TP53INP1: variants seen among roughly 807,000 people sequenced by gnomAD.
TP53INP1 encodes tumor protein p53 inducible nuclear protein 1.
Under a neutral mutation model 21.0 loss-of-function variants are expected in TP53INP1, and 12 were observed. That is an observed-to-expected ratio of 0.57 (90% confidence interval 0.37 to 0.93). The LOEUF (loss-of-function observed/expected upper bound fraction) is 0.93, where lower values mean the gene tolerates loss of function less well. TP53INP1 is among the 40% of genes least tolerant of loss of function. The pLI is 0.01. For synonymous variants in TP53INP1, 91 were observed against 94.8 expected (o/e 0.96, Z 0.23); for missense variants, 274 against 294.7 (o/e 0.93, Z 0.51).
In TP53INP1 at chr8:94,927,912, CAAA is replaced by C. The variant is rs34997272; in HGVS notation, c.*2564_*2566del. Reference sequence around the variant, plus strand: ...TGTAAACCACTAATATTTACAATAGCAAAAAAAAAAGCTCATAAAATGCATTTT... The same window carrying C: ...TGTAAACCACTAATATTTACAATAGCAAAAAAAGCTCATAAAATGCATTTT... On this transcript the variant is annotated 3_prime_UTR_variant, in exon 4 of 4. Transcript: ENST00000342697. 6.7e-6 allele frequency: 1 copy of C among 149,154 alleles called. No homozygotes were observed. 9.2% of individuals were successfully genotyped at this position (149,154 alleles called of 1,614,324 possible).
Position 94,930,732 on chromosome 8 carries a change from A to T in TP53INP1, c.474-4T>A. On this transcript the variant is annotated splice_region_variant and splice_polypyrimidine_tract_variant and intron_variant, in intron 3 of 3. Coordinates refer to ENST00000342697, the MANE Select transcript of TP53INP1 (RefSeq NM_033285.4). The stretch of plus-strand genomic sequence containing the variant: ...CATTTCATTTTGAGCTTCCACTCTG[A>T]AACAGAAAAAAGTGGGGATGTATTA... 1.2e-6 allele frequency: 2 copies of T among 1,613,326 alleles called. No individual in the cohort carries two copies. Among genetic ancestry groups the T allele is most frequent in the Non-Finnish European group, 1.7e-6 (2 of 1,179,530 alleles).
chr8:94,942,700 A>C (rs1412559340), intron 1 of TP53INP1, among the ~76,000 whole-genome samples: 1 of 152,184 alleles, frequency 6.6e-6, no homozygotes, highest in East Asian at 1.9e-4. Context: ...AATGCCATGG[A>C]AGAAGTATTT....
chr8:94,942,724 C>G (rs1340249372), intron 1 of TP53INP1, among the ~76,000 whole-genome samples: 2 of 152,196 alleles, frequency 1.3e-5, no homozygotes, highest in African/African-American at 4.8e-5. Context: ...GTTCTCCAGG[C>G]TACCTGGGTG....
chr8:94,948,861 G>A (rs1298377009), intron 1 of TP53INP1, among the ~76,000 whole-genome samples: 2 of 151,938 alleles, frequency 1.3e-5, no homozygotes. Flanking sequence ...ACTCCCAACC[G>A]CCGCCCAGCG....
intron 3 of TP53INP1, 125 bp downstream of exon 3, chr8:94,939,735 C>A: frequency 7.4e-7 from 1 of 1,348,410 alleles, no homozygotes. Context: ...GTACTATGCA[C>A]ATGCTTTCAT....
At position 94,926,980 on chromosome 8, in the gene TP53INP1, A is replaced by C. The variant is rs1035722177; in HGVS notation, c.*3499T>G. Reference sequence around the variant, plus strand: ...ATCCAAGATAGAAGGCCCACTTTTAACAGAGTTTAACCAGTATTTATGGGC... The same window carrying C: ...ATCCAAGATAGAAGGCCCACTTTTACCAGAGTTTAACCAGTATTTATGGGC... On this transcript the variant is annotated 3_prime_UTR_variant, in exon 4 of 4. Transcript: ENST00000342697. 1 of 152,248 alleles carries C rather than the reference A, an allele frequency of 6.6e-6. No individual in the cohort carries two copies. Among genetic ancestry groups the C allele is most frequent in the African/African-American group, 2.4e-5 (1 of 41,472 alleles). 9.4% of individuals were successfully genotyped at this position (152,248 alleles called of 1,614,324 possible). A position where few individuals can be genotyped will look rare whatever the true frequency, so the allele number is the denominator to read the frequency against.
Position 94,930,220 on chromosome 8 carries a change from C to G in TP53INP1, c.*259G>C, listed in dbSNP as rs1820255106. 8 of 455,836 alleles carry G rather than the reference C, an allele frequency of 1.8e-5. No homozygotes were observed. The highest frequency in any genetic ancestry group is 3.1e-5 in the Non-Finnish European group (8 of 258,226). The allele number at this position is 455,836 out of a possible 1,614,324, so 28.2% of individuals were successfully genotyped here. A position where few individuals can be genotyped will look rare whatever the true frequency, so the allele number is the denominator to read the frequency against. ...ATAACCTAATATATTTAAAGACACCCCCAAACACTGTAATTATATTGATAT... is the reference window on the plus strand; with the variant it reads ...ATAACCTAATATATTTAAAGACACCGCCAAACACTGTAATTATATTGATAT... On this transcript the variant is annotated 3_prime_UTR_variant, in exon 4 of 4. Transcript: ENST00000342697.
chr8:94,945,206 C>T (rs1311591689), intron 1 of TP53INP1, among the ~76,000 whole-genome samples: 2 of 152,086 alleles, frequency 1.3e-5, no homozygotes, highest in Middle Eastern at 3.2e-3. Context: ...ATAAATTTTA[C>T]GAAGTCTAAA....
chr8:94,940,169 C>A lies in TP53INP1; in HGVS notation c.164G>T (p.Ser55Ile). ...AEEEEEEEDI[S>I]EESPTEHPSV... The stretch of plus-strand genomic sequence containing the variant: ...AGGGTGCTCAGTAGGTGACTCTTCA[C>A]TGATGTCCTCCTCTTCTTCTTCTTC... Residue 55 changes from serine (S) to isoleucine (I), a missense_variant, in exon 3 of 4, where the codon AGT becomes ATT. Coordinates refer to ENST00000342697, the MANE Select transcript of TP53INP1 (RefSeq NM_033285.4). The A allele has an allele frequency of 6.2e-7, 1 of 1,614,006 alleles. No individual in the cohort carries two copies. Among genetic ancestry groups the A allele is most frequent in the Non-Finnish European group, 8.5e-7 (1 of 1,179,924 alleles).
Position 94,939,840 on chromosome 8 carries a change from G to A in TP53INP1, c.473+20C>T. The A allele has an allele frequency of 1.2e-6, 2 of 1,600,942 alleles. No homozygotes were observed. The highest frequency in any genetic ancestry group is 1.7e-6 in the Non-Finnish European group (2 of 1,172,538). On this transcript the variant is annotated intron_variant, in intron 3 of 3. Transcript: ENST00000342697. ...ATGCTCAGTGGACTGCCTACAGAGA[G>A]TTAAATACTTGTAACGTACCTGGGA...
In TP53INP1 at chr8:94,940,145, G is replaced by C; in HGVS notation, c.188C>G (p.Pro63Arg). 6.2e-7 allele frequency: 1 copy of C among 1,614,154 alleles called. No homozygotes were observed. The highest frequency in any genetic ancestry group is 8.5e-7 in the Non-Finnish European group (1 of 1,180,024). Reference protein sequence around the residue: ...DISEESPTEHPSVFSCLPASL... With the variant: ...DISEESPTEHRSVFSCLPASL... ...TGCCGGTAAACAGGAAAAGACTGAAGGGTGCTCAGTAGGTGACTCTTCACT... is the reference window on the plus strand; with the variant it reads ...TGCCGGTAAACAGGAAAAGACTGAACGGTGCTCAGTAGGTGACTCTTCACT... Residue 63 changes from proline (P) to arginine (R), a missense_variant, in exon 3 of 4, where the codon CCT becomes CGT. Pro to Arg is a moderately radical substitution (Grantham distance 103). Transcript: ENST00000342697.
intron 3 of TP53INP1, 103 bp from the exon 4 acceptor site, chr8:94,930,831 G>T: frequency 7.9e-7 from 1 of 1,273,780 alleles, no homozygotes; most frequent in Non-Finnish European, 1.1e-6. Context: ...ATTTGTTTAT[G>T]GCTGAATGAG....
chr8:94,933,649 C>T (rs528385918), intron 3 of TP53INP1, among the ~76,000 whole-genome samples: 89 of 152,140 alleles, frequency 5.8e-4, no homozygotes, highest in African/African-American at 2.1e-3. Context: ...CCTGTAGTCC[C>T]AGCTAATCGG....
intron 1 of TP53INP1, among the ~76,000 whole-genome samples, chr8:94,946,216 ATAT>A (rs1468444898): frequency 6.6e-6 from 1 of 151,892 alleles, no homozygotes; most frequent in African/African-American, 2.4e-5. Flanking sequence ...AATGGTTTTC[ATAT>A]TATTACATGA....
intron 1 of TP53INP1, among the ~76,000 whole-genome samples, chr8:94,944,998 C>T (rs1006230399): frequency 1.6e-4 from 24 of 152,192 alleles, no homozygotes; most frequent in African/African-American, 5.1e-4. Flanking sequence ...AAACTGTCCA[C>T]TGAGGTAGCC....
At chr8:94,946,976 A>G (rs1470592087) in intron 1 of TP53INP1, among the ~76,000 whole-genome samples, 2 of 152,164 alleles carry the variant, frequency 1.3e-5, no homozygotes, top group African/African-American at 4.8e-5. Flanking sequence ...TTATCCATAA[A>G]ATGTCTACTT....
intron 3 of TP53INP1, among the ~76,000 whole-genome samples, chr8:94,933,173 G>A (rs956561286): frequency 3.9e-5 from 6 of 152,156 alleles, no homozygotes; most frequent in Admixed American, 1.3e-4. Context: ...CCGAGATTGC[G>A]CCGCTGCAAT....
At chr8:94,933,186 AG>A (rs1482735976) in intron 3 of TP53INP1, among the ~76,000 whole-genome samples, 2 of 152,372 alleles carry the variant, frequency 1.3e-5, no homozygotes, top group Non-Finnish European at 2.9e-5. Flanking sequence ...GCTGCAATCC[AG>A]CCTGGGCAAC....
chr8:94,927,647 G>A lies in TP53INP1; in HGVS notation c.*2832C>T, dbSNP rs1043309929. 1.3e-5 allele frequency: 2 copies of A among 151,894 alleles called. No homozygotes were observed. The highest frequency in any genetic ancestry group is 1.3e-4 in the Admixed American group (2 of 15,248). The allele number at this position is 151,894 out of a possible 1,614,324, so 9.4% of individuals were successfully genotyped here. On this transcript the variant is annotated 3_prime_UTR_variant, in exon 4 of 4. Coordinates refer to ENST00000342697, the MANE Select transcript of TP53INP1 (RefSeq NM_033285.4). ...CACCTTACAGTGCAGTACACAATTA[G>A]TTGAGAAAAAAAATAAACATAAGAT...
Sources: gnomAD v4.1 joint callset for allele counts (sites outside exome capture counted in the v4.1 genomes callset) on GRCh38, gnomAD v4.1.1 for gene constraint, MANE v1.5 for transcripts, NCBI Gene and HGNC (gene_info 2026-07-23, HGNC 2026-07-21) for gene names.